DPF2: variants seen among roughly 807,000 people sequenced by gnomAD.
DPF2 encodes zinc finger protein ubi-d4.
In DPF2, 10 loss-of-function variants were observed where a neutral mutation model predicts 59.6. The observed-to-expected ratio is 0.17, with a 90% CI of 0.10 to 0.28. The LOEUF (loss-of-function observed/expected upper bound fraction) is 0.28. Ranked by LOEUF, DPF2 falls within the 10% of genes least tolerant of loss-of-function variation. The pLI is 1.00. For missense variants in DPF2, 315 were observed against 509.4 expected, an observed-to-expected ratio of 0.62 and a Z score of 3.67; for synonymous variants, 189 against 190.6, an observed-to-expected ratio of 0.99 and a Z score of 0.07.
intron 10 of DPF2, among the ~76,000 whole-genome samples, chr11:65,350,073 G>A (rs550649812): frequency 2.6e-5 from 4 of 152,224 alleles, no homozygotes; most frequent in South Asian, 4.2e-4. Context: ...GGGAGAAGTC[G>A]CATGTTTATG....
intron 1 of DPF2, among the ~76,000 whole-genome samples, chr11:65,334,354 C>A (rs1950068962): frequency 1.3e-5 from 2 of 152,002 alleles, no homozygotes; most frequent in African/African-American, 4.8e-5. Context: ...GCTCGGCGGC[C>A]CCTGCGGAGT....
intron 10 of DPF2, 23 bp from the exon 11 acceptor site, chr11:65,351,660 G>A: frequency 6.2e-7 from 1 of 1,612,762 alleles, no homozygotes; most frequent in South Asian, 1.1e-5. Context: ...GACCCATCCT[G>A]ACCCCATTTT....
chr11:65,345,590 C>T, intron 6 of DPF2, 76 bp from the exon 7 acceptor site: 7 of 1,583,688 alleles, frequency 4.4e-6, no homozygotes, highest in Non-Finnish European at 6.0e-6. Flanking sequence ...CAGGTGGAGC[C>T]CCCACAGCTT....
In DPF2 at chr11:65,337,486, T is replaced by A. The variant is rs1368765838; in HGVS notation, c.33-2899T>A. Reference sequence around the variant, plus strand: ...AAAAAAAAAAAAAAATATATATATATATATATATATATATATATAGAGAGA... The same window carrying A: ...AAAAAAAAAAAAAAATATATATATAAATATATATATATATATATAGAGAGA... On this transcript the variant is annotated intron_variant, in intron 1 of 10. Coordinates refer to ENST00000528416, the MANE Select transcript of DPF2 (RefSeq NM_006268.5). Among the ~76,000 whole-genome samples the A allele has an allele frequency of 1.3e-3, 68 of 53,938 alleles. 1 individual carries two copies. The highest frequency in any genetic ancestry group is 4.2e-3 in the African/African-American group (56 of 13,296). The allele number at this position is 53,938 out of a possible 152,430, so 35.4% of individuals were successfully genotyped here.
In DPF2 at chr11:65,341,510, T is replaced by C; in HGVS notation, c.413T>C (p.Val138Ala). 6.2e-7 allele frequency: 1 copy of C among 1,614,068 alleles called. No individual in the cohort carries two copies. Among genetic ancestry groups the C allele is most frequent in the Non-Finnish European group, 8.5e-7 (1 of 1,179,994 alleles). Reference sequence around the variant, plus strand: ...AAGCGAGGTGCCCCGGATCCCCGAGTTGATGATGACAGCCTGGGCGAGTTT... The same window carrying C: ...AAGCGAGGTGCCCCGGATCCCCGAGCTGATGATGACAGCCTGGGCGAGTTT... ...LEKRGAPDPR[V>A]DDDSLGEFPV... is the part of the protein sequence containing the mutation. Residue 138 changes from valine to alanine, a missense_variant, in exon 4 of 11, where the codon GTT becomes GCT. Coordinates refer to ENST00000528416, the MANE Select transcript of DPF2 (RefSeq NM_006268.5).
intron 10 of DPF2, 119 bp from the exon 11 acceptor site, chr11:65,351,564 C>A: frequency 2.5e-6 from 2 of 803,538 alleles, no homozygotes; most frequent in Non-Finnish European, 4.2e-6. Flanking sequence ...TGCTGCAGAG[C>A]ATCCCTCGTC....
intron 1 of DPF2, among the ~76,000 whole-genome samples, chr11:65,336,999 A>T (rs1854175106): frequency 1.3e-5 from 2 of 151,680 alleles, no homozygotes; most frequent in Non-Finnish European, 2.9e-5. Context: ...GAGGCAGAAG[A>T]ATCGCTTGAA....
intron 1 of DPF2, 114 bp from the exon 2 acceptor site, chr11:65,340,269 GAC>G (rs1854323551): frequency 1.6e-6 from 2 of 1,249,158 alleles, no homozygotes; most frequent in African/African-American, 3.0e-5. Flanking sequence ...GAACGGAAGA[GAC>G]AGCCACCCAG....
Position 65,341,082 on chromosome 11 carries a change from C to T in DPF2, c.301+9C>T. ...CCCATCTATTAAGCCAGGTAAGGCACATACTTCCTGAGCAGAGGCGTGGCC... is the reference window on the plus strand; with the variant it reads ...CCCATCTATTAAGCCAGGTAAGGCATATACTTCCTGAGCAGAGGCGTGGCC... On this transcript the variant is annotated intron_variant, in intron 3 of 10. Transcript: ENST00000528416. 4 of 1,613,582 alleles carry T rather than the reference C, an allele frequency of 2.5e-6. No individual in the cohort carries two copies. Among genetic ancestry groups the T allele is most frequent in the Non-Finnish European group, 3.4e-6 (4 of 1,179,700 alleles).
In DPF2 at chr11:65,351,859, AT is replaced by A; in HGVS notation, c.*101del. ...CCCTTCTTCCTCCTCTCCTTCACAA[AT>A]CCAGAGAACCTTGGGGTGGTTGTGC... On this transcript the variant is annotated 3_prime_UTR_variant, in exon 11 of 11. Transcript: ENST00000528416. The A allele has an allele frequency of 7.4e-7, 1 of 1,353,524 alleles. No individual in the cohort carries two copies. The highest frequency in any genetic ancestry group is 1.0e-6 in the Non-Finnish European group (1 of 967,094). The allele number at this position is 1,353,524 out of a possible 1,614,324, so 83.8% of individuals were successfully genotyped here.
At chr11:65,337,961 C>T (rs1472867139) in intron 1 of DPF2, among the ~76,000 whole-genome samples, 6 of 152,084 alleles carry the variant, frequency 3.9e-5, no homozygotes, top group Non-Finnish European at 4.4e-5. Context: ...TGTACCACCA[C>T]GCCCGGCTAA....
In DPF2 at chr11:65,352,108, TTC is replaced by T. The variant is rs138330073; in HGVS notation, c.*353_*354del. 1,739 of 265,418 alleles carry T rather than the reference TTC, an allele frequency of 6.6e-3. 34 individuals are homozygous for T. Among genetic ancestry groups the T allele is most frequent in the African/African-American group, 0.036 (1,641 of 45,476 alleles). 16.4% of individuals were successfully genotyped at this position (265,418 alleles called of 1,614,324 possible). A position where few individuals can be genotyped will look rare whatever the true frequency, so the allele number is the denominator to read the frequency against. ...TAGAAAGAGTGGGAGAGCAGCTCACTTCTCTGTGTTCTGCCTCCCCTCTGGTC... is the reference window on the plus strand; with the variant it reads ...TAGAAAGAGTGGGAGAGCAGCTCACTTCTGTGTTCTGCCTCCCCTCTGGTC... On this transcript the variant is annotated 3_prime_UTR_variant, in exon 11 of 11. Transcript: ENST00000528416.
intron 6 of DPF2, chr11:65,345,187 T>C (rs1396017124): frequency 5.8e-6 from 1 of 171,598 alleles, no homozygotes; most frequent in Non-Finnish European, 1.3e-5. Context: ...CCTGCTTGTT[T>C]ACCCACATTC....
In DPF2 at chr11:65,341,267, G is replaced by T. The variant is rs1285888212; in HGVS notation, c.302-132G>T. On this transcript the variant is annotated intron_variant, in intron 3 of 10. Coordinates refer to ENST00000528416, the MANE Select transcript of DPF2 (RefSeq NM_006268.5). ...AAGTTATGGTGCCAAGTGAACTAGG[G>T]TGTCTTAATTCCTGGGCGTGCAGAG... The T allele has an allele frequency of 1.8e-5, 25 of 1,363,072 alleles. No individual in the cohort carries two copies. The South Asian group carries it at 3.1e-4, about 17-fold the overall frequency. The allele number at this position is 1,363,072 out of a possible 1,614,324, so 84.4% of individuals were successfully genotyped here. A position where few individuals can be genotyped will look rare whatever the true frequency, so the allele number is the denominator to read the frequency against.
intron 4 of DPF2, chr11:65,342,060 A>C (rs1854390221): frequency 6.5e-6 from 1 of 154,778 alleles, no homozygotes; most frequent in South Asian, 2.0e-4. Context: ...TCGAGACTGC[A>C]ATGAGTCATG....
chr11:65,337,527 A>G (rs966341041), intron 1 of DPF2, among the ~76,000 whole-genome samples: 5 of 137,092 alleles, frequency 3.6e-5, no homozygotes, highest in African/African-American at 8.0e-5. Flanking sequence ...AGAGAGAGAG[A>G]GAGAGAGAGA....
In DPF2 at chr11:65,352,086, A is replaced by T. The variant is rs1377473288; in HGVS notation, c.*327A>T. The stretch of plus-strand genomic sequence containing the variant: ...CAGGGTTCAAACAGTGTCCTCCTAG[A>T]AAGAGTGGGAGAGCAGCTCACTTCT... On this transcript the variant is annotated 3_prime_UTR_variant, in exon 11 of 11. Transcript: ENST00000528416. 2 of 322,310 alleles carry T rather than the reference A, an allele frequency of 6.2e-6. No individual in the cohort carries two copies. The highest frequency in any genetic ancestry group is 1.2e-5 in the Non-Finnish European group (2 of 170,492). The allele number at this position is 322,310 out of a possible 1,614,324, so 20.0% of individuals were successfully genotyped here.
intron 1 of DPF2, among the ~76,000 whole-genome samples, chr11:65,336,484 CTCTT>C (rs1384793706): frequency 1.3e-5 from 2 of 151,616 alleles, no homozygotes; most frequent in Admixed American, 6.6e-5. Context: ...ACTTTTAAGA[CTCTT>C]TCTTAAAAAA....
chr11:65,344,402 T>A, intron 6 of DPF2: 1 of 656,588 alleles, frequency 1.5e-6, no homozygotes, highest in Non-Finnish European at 2.6e-6. Flanking sequence ...GACACTGAGT[T>A]TTTCAACGTC....
Sources: allele counts gnomAD v4.1 joint callset (sites outside exome capture counted in the v4.1 genomes callset), GRCh38; gene constraint gnomAD v4.1.1; transcripts MANE v1.5; gene names NCBI Gene and HGNC (gene_info 2026-07-23, HGNC 2026-07-21).